The following RGS9 variants were observed in gnomAD, a reference collection of about 807,000 sequenced individuals.
RGS9 encodes the protein regulator of G protein signaling 9, also known as regulator of G-protein signalling 9.
In RGS9, 78 loss-of-function variants were observed where a neutral mutation model predicts 102.0. The observed-to-expected ratio is 0.76, with a 90% CI of 0.64 to 0.92. The LOEUF (loss-of-function observed/expected upper bound fraction) is 0.92, where lower values mean the gene tolerates loss of function less well. RGS9 is among the 40% of genes least tolerant of loss of function. RGS9 has a pLI of 0.00. For synonymous variants in RGS9, 353 were observed against 318.6 expected (o/e 1.11, Z -1.15); for missense variants, 833 against 866.1 (o/e 0.96, Z 0.48).
chr17:65,199,571 G>A (rs1423581721), intron 13 of RGS9, among the ~76,000 whole-genome samples: 1 of 135,292 alleles, frequency 7.4e-6, no homozygotes. Flanking sequence ...TCATCTCACT[G>A]CAACTTCTGC....
intron 17 of RGS9, among the ~76,000 whole-genome samples, chr17:65,214,453 A>G (rs1449584982): frequency 6.6e-6 from 1 of 152,210 alleles, no homozygotes; most frequent in African/African-American, 2.4e-5. Context: ...GATTGAGACC[A>G]CAAGCTGGAG....
In RGS9 at chr17:65,160,273, C is replaced by T. The variant is rs201059894; in HGVS notation, c.246C>T (p.Tyr82=). The change falls in exon 4 of 19, where the codon TAC becomes TAT. Residue 82 remains tyrosine, a synonymous_variant. Coordinates refer to ENST00000262406, the MANE Select transcript of RGS9 (RefSeq NM_003835.4). ...NLGNFIVRYG[Y]IYPLQDPKNL... is the part of the protein sequence containing the mutation. Reference sequence around the variant, plus strand: ...GCAACTTTATTGTCAGGTATGGCTACATTTACCCCCTGCAAGACCCCAAGA... The same window carrying T: ...GCAACTTTATTGTCAGGTATGGCTATATTTACCCCCTGCAAGACCCCAAGA... 4 of 1,613,374 alleles carry T rather than the reference C, an allele frequency of 2.5e-6. No individual in the cohort carries two copies. The Admixed American group carries it at 6.7e-5, about 27-fold the overall frequency.
intron 15 of RGS9, among the ~76,000 whole-genome samples, chr17:65,205,176 G>A (rs1234422813): frequency 6.6e-6 from 1 of 152,180 alleles, no homozygotes; most frequent in African/African-American, 2.4e-5. Flanking sequence ...TAGAATCGGA[G>A]GCTCAGAGTT....
At chr17:65,170,736 C>T (rs1911383526) in intron 8 of RGS9, among the ~76,000 whole-genome samples, 1 of 152,140 alleles carries the variant, frequency 6.6e-6, no homozygotes, top group African/African-American at 2.4e-5. Context: ...TTGATGGACT[C>T]AGAGTGGTCC....
In RGS9 at chr17:65,225,046, CG is replaced by C; in HGVS notation, c.1455del (p.Thr486ProfsTer101). 6.2e-7 allele frequency: 1 copy of C among 1,613,962 alleles called. No homozygotes were observed. Among genetic ancestry groups the C allele is most frequent in the Non-Finnish European group, 8.5e-7 (1 of 1,179,984 alleles). ...APSPHLTVYT[G>X]TCMPPSPSSP... Reference sequence around the variant, plus strand: ...CCAGCCCCCATCTGACCGTGTACACCGGGACCTGCATGCCCCCGTCTCCTTC... The same window carrying C: ...CCAGCCCCCATCTGACCGTGTACACCGGACCTGCATGCCCCCGTCTCCTTC... On this transcript the variant is annotated frameshift_variant, in exon 18 of 19. Coordinates refer to ENST00000262406, the MANE Select transcript of RGS9 (RefSeq NM_003835.4). LOFTEE classifies it high-confidence loss of function.
intron 9 of RGS9, among the ~76,000 whole-genome samples, chr17:65,186,574 G>A (rs1912133783): frequency 6.6e-6 from 1 of 152,180 alleles, no homozygotes; most frequent in Admixed American, 6.6e-5. Flanking sequence ...TCAGGGCAAG[G>A]AAGGAATGGG....
intron 8 of RGS9, among the ~76,000 whole-genome samples, chr17:65,175,229 G>A (rs1396305032): frequency 6.6e-6 from 1 of 151,912 alleles, no homozygotes; most frequent in African/African-American, 2.4e-5. Context: ...ATGTATGTAT[G>A]TGAGCATGTG....
intron 3 of RGS9, 23 bp from the exon 4 acceptor site, chr17:65,160,210 C>G (rs1349341226): frequency 6.4e-7 from 1 of 1,571,656 alleles, no homozygotes; most frequent in Non-Finnish European, 8.8e-7. Flanking sequence ...TCTTAACATC[C>G]ATGTCTGAAC....
chr17:65,176,697 A>G (rs1911636313), intron 8 of RGS9, among the ~76,000 whole-genome samples: 1 of 151,636 alleles, frequency 6.6e-6, no homozygotes, highest in African/African-American at 2.4e-5. Flanking sequence ...TCATCCATCC[A>G]TCTACTCACT....
intron 13 of RGS9, among the ~76,000 whole-genome samples, chr17:65,197,995 T>G (rs564393690): frequency 2.6e-4 from 40 of 152,178 alleles, no homozygotes; most frequent in African/African-American, 9.2e-4. Flanking sequence ...AGCTCAGTGG[T>G]TCTACACATT....
At position 65,165,992 on chromosome 17, in the gene RGS9, C is replaced by T. The variant is rs564006619; in HGVS notation, c.501-2208C>T. Among the ~76,000 whole-genome samples the T allele has an allele frequency of 2.0e-5, 3 of 151,110 alleles. No individual in the cohort carries two copies. In the East Asian group the frequency reaches 6.1e-4, roughly 31 times the overall value. On this transcript the variant is annotated intron_variant, in intron 7 of 18. Transcript: ENST00000262406. ...CTCTTGAGTGGTTGCTGTCAGATGG[C>T]TGGAGCTGGGGGCCTGGAGCAACTG...
chr17:65,174,074 A>G (rs1451825116), intron 8 of RGS9, among the ~76,000 whole-genome samples: 1 of 152,138 alleles, frequency 6.6e-6, no homozygotes, highest in African/African-American at 2.4e-5. Context: ...CTGGAACTGG[A>G]CAGGCTGGCA....
chr17:65,227,147 TG>T, intron 18 of RGS9, 127 bp from the exon 19 acceptor site: 1 of 1,252,626 alleles, frequency 8.0e-7, no homozygotes, highest in African/African-American at 1.5e-5. Context: ...GAGCTATACC[TG>T]CCCCCACCAC....
At chr17:65,210,727 A>G in intron 17 of RGS9, 122 bp downstream of exon 17, 1 of 1,516,980 alleles carries the variant, frequency 6.6e-7, no homozygotes, top group Non-Finnish European at 8.9e-7. Context: ...GTAGGGTCAG[A>G]GTCTAGAAGG....
chr17:65,139,126 TCC>T (rs1910049564), intron 1 of RGS9, among the ~76,000 whole-genome samples: 1 of 44,704 alleles, frequency 2.2e-5, no homozygotes, highest in Non-Finnish European at 4.1e-5. Flanking sequence ...CACCTTTCCC[TCC>T]TCCACCCCAG....
chr17:65,180,721 G>T (rs1187052551), intron 9 of RGS9, among the ~76,000 whole-genome samples: 5 of 152,160 alleles, frequency 3.3e-5, no homozygotes, highest in Non-Finnish European at 7.3e-5. Flanking sequence ...TGTCACCGGA[G>T]TTTGGTATAT....
rs111687463 is a variant in RGS9, at chr17:65,174,485, G to A, written c.583-3247G>A. Among the ~76,000 whole-genome samples the A allele has an allele frequency of 1.4e-4, 21 of 151,878 alleles. 1 individual carries two copies. The highest frequency in any genetic ancestry group is 4.6e-4 in the Admixed American group (7 of 15,234). On this transcript the variant is annotated intron_variant, in intron 8 of 18. Transcript: ENST00000262406. ...TGAGCATGTATGTCAGTGTGTTGGCGTGTCAAGGTGTGCATGTATGTGAGA... is the reference window on the plus strand; with the variant it reads ...TGAGCATGTATGTCAGTGTGTTGGCATGTCAAGGTGTGCATGTATGTGAGA...
intron 1 of RGS9, among the ~76,000 whole-genome samples, chr17:65,138,437 C>T (rs181992591): frequency 1.3e-5 from 2 of 152,094 alleles, no homozygotes; most frequent in Non-Finnish European, 2.9e-5. Flanking sequence ...TCTCCCTGAG[C>T]CCCTGGAGCT....
At chr17:65,199,265 A>G (rs1411765892) in intron 13 of RGS9, among the ~76,000 whole-genome samples, 4 of 152,182 alleles carry the variant, frequency 2.6e-5, no homozygotes, top group South Asian at 2.1e-4. Context: ...TTTTTGCCAC[A>G]TTAAAAAGAA....
Sources: gnomAD v4.1 joint callset for allele counts (sites outside exome capture counted in the v4.1 genomes callset) on GRCh38, gnomAD v4.1.1 for gene constraint, MANE v1.5 for transcripts, NCBI Gene and HGNC (gene_info 2026-07-23, HGNC 2026-07-21) for gene names.